The following ME3 variants were observed in gnomAD, a reference collection of about 807,000 sequenced individuals.
The protein encoded by ME3 is NADP-dependent malic enzyme, mitochondrial.
In ME3, 48 loss-of-function variants were observed where a neutral mutation model predicts 68.9. The ratio of observed to expected loss-of-function variants is 0.70; its 90% confidence interval spans 0.55 to 0.89. The LOEUF (loss-of-function observed/expected upper bound fraction) is 0.89, where lower values mean the gene tolerates loss of function less well. Ranked by LOEUF, ME3 falls within the 40% of genes least tolerant of loss-of-function variation. ME3 has a pLI of 0.00. For synonymous variants in ME3, 320 were observed against 318.8 expected (o/e 1.00, Z -0.04); for missense variants, 675 against 797.4 (o/e 0.85, Z 1.85).
chr11:86,645,785 A>G (rs1397642465), intron 2 of ME3, among the ~76,000 whole-genome samples: 2 of 152,164 alleles, frequency 1.3e-5, no homozygotes, highest in Non-Finnish European at 2.9e-5. Context: ...GTCAACAGAC[A>G]CCTCATACAG....
At chr11:86,548,455 C>T (rs1956488668) in intron 4 of ME3, among the ~76,000 whole-genome samples, 1 of 152,212 alleles carries the variant, frequency 6.6e-6, no homozygotes, top group African/African-American at 2.4e-5. Flanking sequence ...CAAGCCACGG[C>T]ATCAAATAAT....
chr11:86,658,185 G>A (rs979889073), intron 2 of ME3, among the ~76,000 whole-genome samples: 2 of 151,624 alleles, frequency 1.3e-5, no homozygotes, highest in South Asian at 2.1e-4. Context: ...AGTGCAGGGC[G>A]CGATCTTGGC....
intron 7 of ME3, among the ~76,000 whole-genome samples, chr11:86,485,750 A>G (rs1024945440): frequency 5.9e-5 from 9 of 151,878 alleles, no homozygotes; most frequent in African/African-American, 2.2e-4. Context: ...TAGACTCTCA[A>G]CTCCTTGCTC....
intron 2 of ME3, among the ~76,000 whole-genome samples, chr11:86,644,109 G>C (rs1944845440): frequency 1.3e-5 from 2 of 152,204 alleles, no homozygotes; most frequent in African/African-American, 4.8e-5. Flanking sequence ...GGAGGGCAGA[G>C]AGCGGAACAT....
intron 2 of ME3, chr11:86,667,650 A>T (rs1167270456): frequency 2.0e-5 from 3 of 152,254 alleles, no homozygotes; most frequent in Non-Finnish European, 4.4e-5. Context: ...AGCCATTGTA[A>T]TAGTGTGCTC....
At chr11:86,502,955 CT>C (rs1348768820) in intron 5 of ME3, among the ~76,000 whole-genome samples, 1 of 152,154 alleles carries the variant, frequency 6.6e-6, no homozygotes, top group Non-Finnish European at 1.5e-5. Context: ...ATGGTCATAG[CT>C]ACAAGGGTTG....
At chr11:86,452,988 G>C (rs1433239787) in intron 8 of ME3, among the ~76,000 whole-genome samples, 1 of 149,306 alleles carries the variant, frequency 6.7e-6, no homozygotes, top group Non-Finnish European at 1.5e-5. Context: ...TAGAGGTTTT[G>C]TTTTTGTTTT....
intron 8 of ME3, among the ~76,000 whole-genome samples, chr11:86,452,014 C>G (rs1480818508): frequency 6.6e-6 from 1 of 152,126 alleles, no homozygotes; most frequent in Non-Finnish European, 1.5e-5. Flanking sequence ...TTATGGGATG[C>G]AATGTATTAT....
chr11:86,575,025 C>T (rs1420801187), intron 2 of ME3, among the ~76,000 whole-genome samples: 1 of 128,180 alleles, frequency 7.8e-6, no homozygotes, highest in African/African-American at 3.4e-5. Context: ...TTCTCAGATG[C>T]AGCAAGGTGT....
intron 2 of ME3, among the ~76,000 whole-genome samples, chr11:86,648,997 T>C (rs1594779165): frequency 6.7e-6 from 1 of 148,512 alleles, no homozygotes; most frequent in Non-Finnish European, 1.5e-5. Context: ...CCAAAATCTG[T>C]CAGAGACACA....
rs191124254 is a variant in ME3 at position 86,550,228 on chromosome 11, A to G, written c.467+6325T>C. On this transcript the variant is annotated intron_variant, in intron 4 of 14. Transcript: ENST00000543262. ...GGGGAAATTTAGGTTTGGCTGCATA[A>G]TATTACCATGGATCACTTAAAAATC... 3.3e-5 allele frequency among the ~76,000 whole-genome samples: 5 copies of G among 152,292 alleles called. No individual in the cohort carries two copies. The East Asian group carries it at 9.7e-4, about 29-fold the overall frequency.
At chr11:86,632,305 G>A (rs1364546715) in intron 2 of ME3, among the ~76,000 whole-genome samples, 1 of 152,098 alleles carries the variant, frequency 6.6e-6, no homozygotes, top group Non-Finnish European at 1.5e-5. Context: ...GGAACTGCCT[G>A]ATCCGAGAGC....
At chr11:86,547,218 C>T (rs142729117) in intron 4 of ME3, among the ~76,000 whole-genome samples, 2,246 of 123,456 alleles carry the variant, frequency 0.018, 31 homozygotes, top group African/African-American at 0.047. Context: ...CCAGCCTGGG[C>T]GACAGAGCAA....
intron 7 of ME3, among the ~76,000 whole-genome samples, chr11:86,471,510 G>A (rs1950782630): frequency 1.3e-5 from 2 of 152,010 alleles, no homozygotes; most frequent in Admixed American, 6.6e-5. Context: ...TGTCTTCTCT[G>A]GGGTCCCGTG....
At chr11:86,546,435 C>T (rs1243591723) in intron 4 of ME3, among the ~76,000 whole-genome samples, 1 of 152,034 alleles carries the variant, frequency 6.6e-6, no homozygotes. Flanking sequence ...GGCTAATATC[C>T]AAAAATCTAT....
intron 8 of ME3, among the ~76,000 whole-genome samples, chr11:86,461,350 A>G (rs1418726443): frequency 2.0e-5 from 3 of 152,148 alleles, no homozygotes; most frequent in African/African-American, 7.2e-5. Context: ...CACTTGTAAG[A>G]TAGTGAGGAT....
At chr11:86,485,664 C>T (rs949609041) in intron 7 of ME3, among the ~76,000 whole-genome samples, 2 of 152,184 alleles carry the variant, frequency 1.3e-5, no homozygotes, top group Non-Finnish European at 2.9e-5. Flanking sequence ...TGTCCCTCCC[C>T]TTTACCACGT....
At chr11:86,458,662 A>G (rs1285663183) in intron 8 of ME3, among the ~76,000 whole-genome samples, 8 of 152,144 alleles carry the variant, frequency 5.3e-5, no homozygotes, top group African/African-American at 1.9e-4. Context: ...GAAAAGGTTA[A>G]AGAGACCAGG....
Position 86,448,135 on chromosome 11 carries a change from C to A in ME3, c.1237+15G>T. ...GTTAGCTGGGCTGGGTAGTGGGTAC[C>A]CTCCCTCCTCCTACCTATGATGGCT... On this transcript the variant is annotated intron_variant, in intron 11 of 14. Coordinates refer to ENST00000543262, the Ensembl canonical transcript of ME3. 1 of 1,580,148 alleles carries A rather than the reference C, an allele frequency of 6.3e-7. No homozygotes were observed. Among genetic ancestry groups the A allele is most frequent in the Non-Finnish European group, 8.7e-7 (1 of 1,149,238 alleles).
Sources: allele counts gnomAD v4.1 joint callset (sites outside exome capture counted in the v4.1 genomes callset), GRCh38; gene constraint gnomAD v4.1.1; transcripts MANE v1.5; gene names NCBI Gene and HGNC (gene_info 2026-07-23, HGNC 2026-07-21).